Variants in CADM2 observed in about 807,000 individuals in gnomAD.
CADM2 encodes the protein cell adhesion molecule 2, also known as immunoglobulin superfamily member 4D.
CADM2 carries 12 observed loss-of-function variants against 49.8 expected under a neutral mutation model. That is an observed-to-expected ratio of 0.24 (90% confidence interval 0.15 to 0.39). The LOEUF (loss-of-function observed/expected upper bound fraction) is 0.39, where lower values mean the gene tolerates loss of function less well. Ranked by LOEUF, CADM2 falls within the 10% of genes least tolerant of loss-of-function variation. The pLI is 1.00. For missense variants in CADM2, 378 were observed against 492.3 expected (o/e 0.77, Z 2.20); for synonymous variants, 214 against 175.4 (o/e 1.22, Z -1.74).
chr3:85,148,783 A>G (rs935120140), intron 1 of CADM2, among the ~76,000 whole-genome samples: 6 of 152,228 alleles, frequency 3.9e-5, no homozygotes, highest in Admixed American at 2.6e-4. Flanking sequence ...TCTTAAGAAT[A>G]TAAGGAAGAG....
At chr3:85,708,296 C>A (rs758297138) in intron 1 of CADM2, among the ~76,000 whole-genome samples, 3 of 151,788 alleles carry the variant, frequency 2.0e-5, no homozygotes, top group Non-Finnish European at 4.4e-5. Flanking sequence ...AATCTAGATA[C>A]AGGTACTTTA....
chr3:86,017,189 T>C (rs1219777718), intron 8 of CADM2, among the ~76,000 whole-genome samples: 1 of 144,648 alleles, frequency 6.9e-6, no homozygotes, highest in African/African-American at 2.5e-5. Flanking sequence ...TATATATATA[T>C]ATATAATTTA....
At chr3:84,967,213 A>G (rs1431528761) in intron 1 of CADM2, among the ~76,000 whole-genome samples, 2 of 152,126 alleles carry the variant, frequency 1.3e-5, no homozygotes, top group Non-Finnish European at 2.9e-5. Context: ...TATTATTGTA[A>G]GGAAATATTT....
intron 1 of CADM2, among the ~76,000 whole-genome samples, chr3:85,473,891 G>A (rs1283539432): frequency 6.6e-6 from 1 of 151,850 alleles, no homozygotes; most frequent in Non-Finnish European, 1.5e-5. Context: ...ATCCAGCAAT[G>A]CCTCTTGTTA....
At chr3:85,988,456 A>G (rs1480970093) in intron 8 of CADM2, among the ~76,000 whole-genome samples, 2 of 152,132 alleles carry the variant, frequency 1.3e-5, no homozygotes, top group African/African-American at 4.8e-5. Context: ...CTATGACAAC[A>G]CTGTTTCTTA....
chr3:85,468,752 C>T (rs577165743), intron 1 of CADM2, among the ~76,000 whole-genome samples: 3 of 152,002 alleles, frequency 2.0e-5, no homozygotes, highest in Non-Finnish European at 4.4e-5. Flanking sequence ...GGTGGTGATA[C>T]CAGAATACAC....
At chr3:86,013,360 T>C in intron 8 of CADM2, 1 of 1,542,924 alleles carries the variant, frequency 6.5e-7, no homozygotes, top group Non-Finnish European at 8.9e-7. Context: ...GAATTATTGA[T>C]TCTGATGGGA....
chr3:85,935,769 A>G lies in CADM2; in HGVS notation c.703A>G (p.Thr235Ala), dbSNP rs780219337. 1.3e-6 allele frequency: 2 copies of G among 1,559,556 alleles called. No individual in the cohort carries two copies. Among genetic ancestry groups the G allele is most frequent in the South Asian group, 1.2e-5 (1 of 86,324 alleles). Reference sequence around the variant, plus strand: ...TCTTAATATTCTTTTATTTCTAGATACACCATCAGTTAAGATTATACCATC... The same window carrying G: ...TCTTAATATTCTTTTATTTCTAGATGCACCATCAGTTAAGATTATACCATC... ...VAMQVLEIHY[T>A]PSVKIIPSTP... The change falls in exon 7 of 10, where the codon ACA becomes GCA. Residue 235 changes from threonine to alanine, a missense_variant and splice_region_variant. Physicochemically the swap from Thr to Ala is moderately conservative, Grantham distance 58 (BLOSUM62 0). Coordinates refer to ENST00000383699, the MANE Select transcript of CADM2 (RefSeq NM_001167675.2).
At chr3:85,235,693 T>C (rs897707686) in intron 1 of CADM2, among the ~76,000 whole-genome samples, 1 of 152,152 alleles carries the variant, frequency 6.6e-6, no homozygotes, top group African/African-American at 2.4e-5. Context: ...TATTTTGAAG[T>C]GTCGTCTCCC....
At chr3:85,539,121 C>A (rs74536028) in intron 1 of CADM2, among the ~76,000 whole-genome samples, 1 of 141,430 alleles carries the variant, frequency 7.1e-6, no homozygotes. Context: ...ATTTAAATGA[C>A]AATTATTTAG....
chr3:85,497,410 G>C (rs1403774016), intron 1 of CADM2, among the ~76,000 whole-genome samples: 1 of 151,922 alleles, frequency 6.6e-6, no homozygotes, highest in Admixed American at 6.6e-5. Context: ...TGCAGTAGCA[G>C]AAAGAAGGGA....
chr3:85,703,670 G>T (rs374189976), intron 1 of CADM2, among the ~76,000 whole-genome samples: 1 of 152,138 alleles, frequency 6.6e-6, no homozygotes, highest in Non-Finnish European at 1.5e-5. Flanking sequence ...TAGTTACCAG[G>T]TTCCTAGACA....
chr3:85,383,807 C>A (rs2034050508), intron 1 of CADM2, among the ~76,000 whole-genome samples: 1 of 151,534 alleles, frequency 6.6e-6, no homozygotes, highest in Non-Finnish European at 1.5e-5. Flanking sequence ...ATTTTGTTTT[C>A]AAAAAAGTTC....
intron 1 of CADM2, among the ~76,000 whole-genome samples, chr3:85,050,825 T>G (rs2035854297): frequency 6.6e-6 from 1 of 152,194 alleles, no homozygotes; most frequent in Non-Finnish European, 1.5e-5. Flanking sequence ...CTTTAAAAAT[T>G]ATGACTGTGA....
intron 1 of CADM2, among the ~76,000 whole-genome samples, chr3:85,638,755 G>T (rs2064602612): frequency 6.6e-6 from 1 of 151,836 alleles, no homozygotes; most frequent in South Asian, 2.1e-4. Context: ...ATCTCTAAAG[G>T]TTACTATTTA....
At chr3:85,005,671 C>T (rs952747528) in intron 1 of CADM2, among the ~76,000 whole-genome samples, 2 of 151,604 alleles carry the variant, frequency 1.3e-5, no homozygotes, top group African/African-American at 2.4e-5. Context: ...TACCAAGAAG[C>T]AGATGGTTCT....
At chr3:85,542,432 T>C (rs1197058109) in intron 1 of CADM2, among the ~76,000 whole-genome samples, 5 of 152,164 alleles carry the variant, frequency 3.3e-5, no homozygotes, top group Admixed American at 2.0e-4. Flanking sequence ...CTTTAGAACA[T>C]TGTGATGTCA....
At chr3:85,052,396 A>G (rs552964091) in intron 1 of CADM2, among the ~76,000 whole-genome samples, 1 of 152,106 alleles carries the variant, frequency 6.6e-6, no homozygotes, top group Non-Finnish European at 1.5e-5. Context: ...CAAACCCTGT[A>G]CAATAGGGTT....
chr3:85,824,500 A>T (rs1200050630), intron 3 of CADM2, among the ~76,000 whole-genome samples: 1 of 152,024 alleles, frequency 6.6e-6, no homozygotes, highest in Non-Finnish European at 1.5e-5. Context: ...CTCTTTTGTC[A>T]CTGGGAGGTC....
Sources: gnomAD v4.1 joint callset for allele counts (sites outside exome capture counted in the v4.1 genomes callset) on GRCh38, gnomAD v4.1.1 for gene constraint, MANE v1.5 for transcripts, NCBI Gene and HGNC (gene_info 2026-07-23, HGNC 2026-07-21) for gene names.